ARHGAP22: variants seen among roughly 807,000 people sequenced by gnomAD.
The protein encoded by ARHGAP22 is rho GTPase-activating protein 22.
Under a neutral mutation model 59.1 loss-of-function variants are expected in ARHGAP22, and 48 were observed. The observed-to-expected ratio is 0.81, with a 90% CI of 0.64 to 1.03. The LOEUF is 1.03. ARHGAP22 is among the 50% of genes least tolerant of loss of function. The pLI, the probability that ARHGAP22 is intolerant of heterozygous loss-of-function variation, is 0.00. For synonymous variants in ARHGAP22, 445 were observed against 416.4 expected, an observed-to-expected ratio of 1.07 and a Z score of -0.84; for missense variants, 1,015 against 958.7, an observed-to-expected ratio of 1.06 and a Z score of -0.78.
intron 3 of ARHGAP22, among the ~76,000 whole-genome samples, chr10:48,540,477 C>T (rs1016707126): frequency 2.6e-5 from 4 of 152,196 alleles, no homozygotes; most frequent in Non-Finnish European, 4.4e-5. Context: ...GTGATCCTCC[C>T]GCCTTGGCCT....
intron 3 of ARHGAP22, among the ~76,000 whole-genome samples, chr10:48,489,107 C>T (rs539352848): frequency 8.6e-4 from 130 of 151,982 alleles, no homozygotes; most frequent in Admixed American, 3.9e-3. Flanking sequence ...TCTTTCTTTT[C>T]TTTTTTTTGG....
At chr10:48,469,549 C>T (rs1438226418) in intron 4 of ARHGAP22, among the ~76,000 whole-genome samples, 1 of 152,186 alleles carries the variant, frequency 6.6e-6, no homozygotes, top group Non-Finnish European at 1.5e-5. Context: ...TTATGCCCCC[C>T]TCCCCAACCA....
At chr10:48,495,410 A>C (rs1408035111) in intron 3 of ARHGAP22, among the ~76,000 whole-genome samples, 2 of 152,270 alleles carry the variant, frequency 1.3e-5, no homozygotes, top group Non-Finnish European at 2.9e-5. Context: ...CAGAGGCTAC[A>C]GAAGGTTGAA....
chr10:48,562,612 G>A (rs763194054), intron 2 of ARHGAP22, among the ~76,000 whole-genome samples: 4 of 152,154 alleles, frequency 2.6e-5, no homozygotes, highest in Non-Finnish European at 5.9e-5. Context: ...ATCAGCCTGG[G>A]GTCAGGGGTC....
chr10:48,605,068 A>C lies in ARHGAP22; in HGVS notation c.-272T>G. On this transcript the variant is annotated 5_prime_UTR_variant, in exon 1 of 10. Transcript: ENST00000249601. The stretch of plus-strand genomic sequence containing the variant: ...AAGCCTCAGTAATCACTGCTGATCA[A>C]TCACTGGACCAGGGCGGGGCAGTCC... 1 of 1,366,754 alleles carries C rather than the reference A, an allele frequency of 7.3e-7. No homozygotes were observed. Among genetic ancestry groups the C allele is most frequent in the Non-Finnish European group, 9.5e-7 (1 of 1,057,594 alleles). 84.7% of individuals were successfully genotyped at this position (1,366,754 alleles called of 1,614,324 possible).
chr10:48,638,194 G>A (rs1033309438), intron 1 of ARHGAP22, among the ~76,000 whole-genome samples: 11 of 152,138 alleles, frequency 7.2e-5, no homozygotes, highest in Non-Finnish European at 1.5e-4. Context: ...GCTAGGCTGA[G>A]TTACACTTCC....
chr10:48,583,071 A>T lies in ARHGAP22; in HGVS notation c.116T>A (p.Leu39Gln). ...CTGCTTCTTCAGCCAGCCCGCCTTC[A>T]GCACGGGGCCCAGCCTGTGAGGGCA... Reference protein sequence around the residue: ...MPCPHRLGPVLKAGWLKKQRS... With the variant: ...MPCPHRLGPVQKAGWLKKQRS... The change falls in exon 2 of 10, where the codon CTG becomes CAG. Residue 39 changes from leucine (L) to glutamine (Q), a missense_variant. Coordinates refer to ENST00000249601, the MANE Select transcript of ARHGAP22 (RefSeq NM_021226.4). The T allele has an allele frequency of 6.2e-7, 1 of 1,614,284 alleles. No homozygotes were observed. Among genetic ancestry groups the T allele is most frequent in the Non-Finnish European group, 8.5e-7 (1 of 1,180,048 alleles).
rs1360534523 is a variant in ARHGAP22, at chr10:48,503,547, C to A, written c.323-23783G>T. Among the ~76,000 whole-genome samples the A allele has an allele frequency of 3.3e-5, 5 of 152,350 alleles. No homozygotes were observed. In the East Asian group the frequency reaches 9.6e-4, roughly 29 times the overall value. On this transcript the variant is annotated intron_variant, in intron 3 of 9. Transcript: ENST00000249601. ...CACTGGCACCACCACCCTGCTAACA[C>A]CACGTACATGCTTTGTGAAGCTCCT...
intron 8 of ARHGAP22, chr10:48,451,771 A>C: frequency 3.5e-6 from 2 of 568,768 alleles, no homozygotes. Context: ...ATCCCCCAAC[A>C]CACAATCGCA....
chr10:48,530,318 G>T (rs1247880936), intron 3 of ARHGAP22, among the ~76,000 whole-genome samples: 1 of 143,988 alleles, frequency 6.9e-6, no homozygotes, highest in Non-Finnish European at 1.5e-5. Context: ...AAAAATTCTA[G>T]AAGATAACAT....
At chr10:48,530,340 T>A (rs1041512761) in intron 3 of ARHGAP22, among the ~76,000 whole-genome samples, 1 of 150,812 alleles carries the variant, frequency 6.6e-6, no homozygotes, top group Non-Finnish European at 1.5e-5. Context: ...GGAAAAACCC[T>A]TTTAGACATT....
chr10:48,446,183 C>T lies in ARHGAP22; in HGVS notation c.*208G>A. 3.3e-6 allele frequency: 2 copies of T among 603,390 alleles called. No homozygotes were observed. Among genetic ancestry groups the T allele is most frequent in the Non-Finnish European group, 2.9e-6 (1 of 342,326 alleles). The allele number at this position is 603,390 out of a possible 1,614,324, so 37.4% of individuals were successfully genotyped here. On this transcript the variant is annotated 3_prime_UTR_variant, in exon 10 of 10. Transcript: ENST00000249601. Reference sequence around the variant, plus strand: ...GGTACCGTCCCCTTCTGACCCTCACCAGGAACTGCATGGTTGGAGCAGCAT... The same window carrying T: ...GGTACCGTCCCCTTCTGACCCTCACTAGGAACTGCATGGTTGGAGCAGCAT...
At chr10:48,515,904 T>C (rs1317265365) in intron 3 of ARHGAP22, among the ~76,000 whole-genome samples, 5 of 152,036 alleles carry the variant, frequency 3.3e-5, no homozygotes, top group Non-Finnish European at 5.9e-5. Context: ...GTCCCAACCA[T>C]TCAAAAGGCT....
intron 4 of ARHGAP22, among the ~76,000 whole-genome samples, chr10:48,473,352 T>C (rs1359842305): frequency 6.6e-6 from 1 of 152,192 alleles, no homozygotes; most frequent in South Asian, 2.1e-4. Context: ...AAGCCAGAGT[T>C]TCAGTTTGGG....
chr10:48,523,218 C>T lies in ARHGAP22; in HGVS notation c.322+32245G>A, dbSNP rs186721418. On this transcript the variant is annotated intron_variant, in intron 3 of 9. Transcript: ENST00000249601. ...TCACTTGGGGAACTCCTTAAACACACAGTTTCCCAAGGCCTTCCCCAGAGC... is the reference window on the plus strand; with the variant it reads ...TCACTTGGGGAACTCCTTAAACACATAGTTTCCCAAGGCCTTCCCCAGAGC... 2.5e-3 allele frequency among the ~76,000 whole-genome samples: 385 copies of T among 152,358 alleles called. 1 individual carries two copies. The highest frequency in any genetic ancestry group is 5.0e-3 in the Admixed American group (77 of 15,308).
At chr10:48,630,364 A>G (rs1441778701) in intron 1 of ARHGAP22, among the ~76,000 whole-genome samples, 1 of 152,206 alleles carries the variant, frequency 6.6e-6, no homozygotes, top group Non-Finnish European at 1.5e-5. Context: ...CGCTGGGATT[A>G]CAGGAATGAG....
chr10:48,431,279 C>A, the ARHGAP22 span: 1 of 1,596,818 alleles, frequency 6.3e-7, no homozygotes, highest in Non-Finnish European at 8.6e-7. Flanking sequence ...AGGTTGGTTA[C>A]AATATAAGCT....
At chr10:48,471,052 AT>A (rs1201942109) in intron 4 of ARHGAP22, among the ~76,000 whole-genome samples, 2 of 152,124 alleles carry the variant, frequency 1.3e-5, no homozygotes, top group African/African-American at 2.4e-5. Flanking sequence ...CCAAGGTTGG[AT>A]TTTTTTCCAT....
intron 1 of ARHGAP22, among the ~76,000 whole-genome samples, chr10:48,640,490 T>C (rs78425776): frequency 1.3e-5 from 2 of 152,296 alleles, no homozygotes; most frequent in Non-Finnish European, 2.9e-5. Flanking sequence ...AAAAATGTCT[T>C]GTCACATGAA....
Sources: allele counts gnomAD v4.1 joint callset (sites outside exome capture counted in the v4.1 genomes callset), GRCh38; gene constraint gnomAD v4.1.1; transcripts MANE v1.5; gene names NCBI Gene and HGNC (gene_info 2026-07-23, HGNC 2026-07-21).